The following SLX4IP variants were observed in gnomAD, a reference collection of about 807,000 sequenced individuals.
SLX4IP encodes protein SLX4IP.
In SLX4IP, 34 loss-of-function variants were observed where a neutral mutation model predicts 32.9. That is an observed-to-expected ratio of 1.03 (90% CI 0.79 to 1.38). SLX4IP has a LOEUF of 1.38. Among genes scored for constraint, SLX4IP ranks in the 40% most tolerant of loss-of-function variants. The pLI is 0.00. For synonymous variants in SLX4IP, 172 were observed against 171.7 expected, an observed-to-expected ratio of 1.00 and a Z score of -0.01; for missense variants, 444 against 479.0, an observed-to-expected ratio of 0.93 and a Z score of 0.68.
At chr20:10,499,665 G>A (rs1383263084) in intron 2 of SLX4IP, among the ~76,000 whole-genome samples, 1 of 152,172 alleles carries the variant, frequency 6.6e-6, no homozygotes, top group Admixed American at 6.5e-5. Context: ...TGAAAGGTAT[G>A]ACTATACATG....
chr20:10,614,030 TTCCAGGA>T, intron 6 of SLX4IP: 1 of 1,421,732 alleles, frequency 7.0e-7, no homozygotes, highest in South Asian at 1.2e-5. Context: ...AATAGACTTT[TTCCAGGA>T]TCTGGAAGCA....
intron 2 of SLX4IP, among the ~76,000 whole-genome samples, chr20:10,553,143 G>A (rs906208885): frequency 1.3e-5 from 2 of 152,116 alleles, no homozygotes; most frequent in Non-Finnish European, 2.9e-5. Context: ...TATTATGAAC[G>A]TGGGATTCAT....
At chr20:10,588,860 A>T (rs556896183) in intron 4 of SLX4IP, among the ~76,000 whole-genome samples, 1 of 152,306 alleles carries the variant, frequency 6.6e-6, no homozygotes, top group East Asian at 1.9e-4. Context: ...GGGGAATCTA[A>T]TGTACACTGT....
intron 1 of SLX4IP, among the ~76,000 whole-genome samples, chr20:10,440,228 G>A (rs6077788): frequency 0.48 from 73,334 of 151,274 alleles, 19,231 homozygotes; most frequent in Non-Finnish European, 0.59. Flanking sequence ...GCCGAGGCTG[G>A]CGGATCACTT....
Position 10,472,770 on chromosome 20 carries a change from G to T in SLX4IP, c.27+14539G>T, listed in dbSNP as rs138652454. Among the ~76,000 whole-genome samples, 783 of 152,272 alleles carry T rather than the reference G, an allele frequency of 5.1e-3. 8 individuals carry two copies. The highest frequency in any genetic ancestry group is 0.017 in the African/African-American group (722 of 41,552). ...ATTGTCCATCTTAGCACAGAGTCAC[G>T]ACCCAGAAGGTGTTAGCACCCATCC... On this transcript the variant is annotated intron_variant, in intron 2 of 7. Coordinates refer to ENST00000334534, the MANE Select transcript of SLX4IP (RefSeq NM_001009608.3).
At chr20:10,534,888 G>A (rs180805807) in intron 2 of SLX4IP, among the ~76,000 whole-genome samples, 54 of 152,296 alleles carry the variant, frequency 3.5e-4, no homozygotes, top group Admixed American at 1.6e-3. Context: ...GCAGAAGGGG[G>A]AGCTATTAAT....
intron 3 of SLX4IP, among the ~76,000 whole-genome samples, chr20:10,559,404 T>A (rs536778842): frequency 6.6e-6 from 1 of 152,180 alleles, no homozygotes; most frequent in Non-Finnish European, 1.5e-5. Context: ...AGCTAAAAAT[T>A]TTGTTGTTTT....
chr20:10,558,817 ATTG>A (rs1399317565), intron 3 of SLX4IP, among the ~76,000 whole-genome samples: 1 of 152,014 alleles, frequency 6.6e-6, no homozygotes, highest in African/African-American at 2.4e-5. Flanking sequence ...CTTTTCTTGC[ATTG>A]TTGTGGTTCT....
intron 6 of SLX4IP, 24 bp downstream of exon 6, chr20:10,601,843 A>G: frequency 6.3e-7 from 1 of 1,587,908 alleles, no homozygotes; most frequent in East Asian, 2.2e-5. Context: ...AATTCTATAA[A>G]CAAATAAGTC....
At chr20:10,617,880 A>C (rs1600162011) in intron 6 of SLX4IP, among the ~76,000 whole-genome samples, 1 of 151,962 alleles carries the variant, frequency 6.6e-6, no homozygotes, top group African/African-American at 2.4e-5. Context: ...AGCTCAAGCT[A>C]TCCTCCTACC....
At chr20:10,510,243 C>G (rs1276009356) in intron 2 of SLX4IP, among the ~76,000 whole-genome samples, 1 of 151,890 alleles carries the variant, frequency 6.6e-6, no homozygotes, top group Non-Finnish European at 1.5e-5. Flanking sequence ...GGCTGTGTGC[C>G]GTCCATGCAC....
At chr20:10,605,176 G>C (rs989293253) in intron 6 of SLX4IP, among the ~76,000 whole-genome samples, 1 of 151,984 alleles carries the variant, frequency 6.6e-6, no homozygotes, top group Non-Finnish European at 1.5e-5. Context: ...TATATATCTG[G>C]GACATTTCTG....
At chr20:10,479,225 A>G (rs1422699511) in intron 2 of SLX4IP, among the ~76,000 whole-genome samples, 2 of 152,248 alleles carry the variant, frequency 1.3e-5, no homozygotes, top group Non-Finnish European at 2.9e-5. Flanking sequence ...CTGCGGATGC[A>G]AAATGAAAAT....
chr20:10,614,222 G>A, intron 6 of SLX4IP: 1 of 648,400 alleles, frequency 1.5e-6, no homozygotes, highest in Admixed American at 2.7e-5. Flanking sequence ...AGAATCAGAA[G>A]AAACTCATGT....
intron 2 of SLX4IP, among the ~76,000 whole-genome samples, chr20:10,493,859 C>CTTTTTTTTT (rs58299545): frequency 0.01 from 714 of 70,510 alleles, 44 homozygotes; most frequent in East Asian, 0.017. Context: ...TTATAGTTGC[C>CTTTTTTTTT]TTTTTTTTTT....
rs367708415 is a variant in SLX4IP at position 10,623,371 on chromosome 20, G to A, written c.1219G>A (p.Gly407Ser). 1.9e-6 allele frequency: 3 copies of A among 1,609,970 alleles called. No homozygotes were observed. The highest frequency in any genetic ancestry group is 1.3e-5 in the African/African-American group (1 of 74,478). The change falls in exon 8 of 8, where the codon GGC becomes AGC. Residue 407 changes from glycine to serine, a missense_variant. Coordinates refer to ENST00000334534, the MANE Select transcript of SLX4IP (RefSeq NM_001009608.3). ...PTKKRKKYER[G>S]H The stretch of plus-strand genomic sequence containing the variant: ...CAAGAAAAGAAAGAAATACGAAAGA[G>A]GCCATTAACACCGAAGAGGTTTGTA...
intron 4 of SLX4IP, among the ~76,000 whole-genome samples, chr20:10,566,487 A>G (rs1014617407): frequency 2.0e-5 from 3 of 152,086 alleles, no homozygotes. Flanking sequence ...CTAAGGAAGC[A>G]GAGTCATGGG....
intron 2 of SLX4IP, among the ~76,000 whole-genome samples, chr20:10,537,266 C>T (rs909078337): frequency 1.3e-5 from 2 of 152,172 alleles, no homozygotes; most frequent in Non-Finnish European, 2.9e-5. Context: ...TATGCAGGAA[C>T]TACTTTAAGG....
chr20:10,556,014 A>G (rs1298752245), intron 2 of SLX4IP, among the ~76,000 whole-genome samples: 1 of 152,218 alleles, frequency 6.6e-6, no homozygotes, highest in Non-Finnish European at 1.5e-5. Context: ...CTTGATTAAC[A>G]TTGCATCTCT....
Sources: gnomAD v4.1 joint callset for allele counts (sites outside exome capture counted in the v4.1 genomes callset) on GRCh38, gnomAD v4.1.1 for gene constraint, MANE v1.5 for transcripts, NCBI Gene and HGNC (gene_info 2026-07-23, HGNC 2026-07-21) for gene names.